Variants in CAMKV observed in about 807,000 individuals in gnomAD.
CAMKV encodes the protein CaM kinase like vesicle associated, also known as caM kinase-like vesicle-associated protein.
A neutral mutation model predicts 50.2 loss-of-function variants in CAMKV; 5 were observed. That is an observed-to-expected ratio of 0.10 (90% CI 0.05 to 0.21). The LOEUF is 0.21. Ranked by LOEUF, CAMKV falls within the 10% of genes least tolerant of loss-of-function variation. CAMKV has a pLI of 1.00. For synonymous variants in CAMKV, 229 were observed against 250.1 expected, an observed-to-expected ratio of 0.92 and a Z score of 0.80; for missense variants, 361 against 650.5, an observed-to-expected ratio of 0.55 and a Z score of 4.84.
rs893200473 is a variant in CAMKV at position 49,869,470 on chromosome 3, T to C, written c.-15+288A>G. On this transcript the variant is annotated intron_variant, in intron 1 of 10. Coordinates refer to ENST00000477224, the MANE Select transcript of CAMKV (RefSeq NM_024046.5). This position sits in a 1 kb window ranked among gnomAD's most constrained non-coding sequence, Gnocchi z 5.2. Reference sequence around the variant, plus strand: ...GGGACGGCTCAGCTCTCGGCCCCTATCCTCACGGGGGACCACGAATCTTCG... The same window carrying C: ...GGGACGGCTCAGCTCTCGGCCCCTACCCTCACGGGGGACCACGAATCTTCG... Among the ~76,000 whole-genome samples, 1 of 152,054 alleles carries C rather than the reference T, an allele frequency of 6.6e-6. No homozygotes were observed. Among genetic ancestry groups the C allele is most frequent in the Non-Finnish European group, 1.5e-5 (1 of 67,978 alleles).
At chr3:49,865,138 G>T (rs1454037994) in intron 1 of CAMKV, among the ~76,000 whole-genome samples, 2 of 152,230 alleles carry the variant, frequency 1.3e-5, no homozygotes, top group African/African-American at 4.8e-5. Context: ...AGAGACAAAG[G>T]AGAGGCTTTG....
intron 1 of CAMKV, among the ~76,000 whole-genome samples, chr3:49,864,694 CT>C (rs1239941661): frequency 6.6e-6 from 1 of 152,208 alleles, no homozygotes; most frequent in African/African-American, 2.4e-5. Flanking sequence ...TGAAATTGCT[CT>C]GCCTCTGCTG....
chr3:49,858,526 G>A lies in CAMKV; in HGVS notation c.*792C>T. On this transcript the variant is annotated 3_prime_UTR_variant, in exon 11 of 11. Transcript: ENST00000477224. ...GGCTGGGACACTGGGTGCTGGGCTT[G>A]TACTCTGCCCTGCCAGGTCTCATTG... 2.5e-6 allele frequency: 1 copy of A among 395,716 alleles called. No individual in the cohort carries two copies. The highest frequency in any genetic ancestry group is 4.4e-6 in the Non-Finnish European group (1 of 224,858). 24.5% of individuals were successfully genotyped at this position (395,716 alleles called of 1,614,324 possible). A position where few individuals can be genotyped will look rare whatever the true frequency, so the allele number is the denominator to read the frequency against.
intron 1 of CAMKV, among the ~76,000 whole-genome samples, chr3:49,865,516 A>T (rs866443661): frequency 5.3e-5 from 8 of 150,328 alleles, no homozygotes; most frequent in South Asian, 4.2e-4. Context: ...TTATAACATT[A>T]AAAAAAATTC....
intron 1 of CAMKV, among the ~76,000 whole-genome samples, chr3:49,867,029 A>G (rs1310060765): frequency 6.6e-6 from 1 of 152,244 alleles, no homozygotes; most frequent in African/African-American, 2.4e-5. Context: ...AACTGTAGGC[A>G]ACACCTCCTA....
rs947599904 is a variant in CAMKV, at chr3:49,859,681, G to A, written c.1143C>T (p.Pro381=). 19 of 1,613,824 alleles carry A rather than the reference G, an allele frequency of 1.2e-5. No homozygotes were observed. The highest frequency in any genetic ancestry group is 8.9e-5 in the East Asian group (4 of 44,878). Residue 381 remains proline, a synonymous_variant, in exon 11 of 11, where the codon CCC becomes CCT. Transcript: ENST00000477224. The surrounding 1 kb of genome is among the most constrained non-coding windows in gnomAD (Gnocchi z 5.5). ...TGGCTGGGGTGGCACTACGGTCTGC[G>A]GGGGCCACATTATCACTCTTTGCAG... ...ARAAKSDNVA[P]ADRSATPATD...
chr3:49,861,870 C>T lies in CAMKV; in HGVS notation c.228-5G>A, dbSNP rs370071635. On this transcript the variant is annotated splice_region_variant and splice_polypyrimidine_tract_variant and intron_variant, in intron 3 of 10. Coordinates refer to ENST00000477224, the MANE Select transcript of CAMKV (RefSeq NM_024046.5). The surrounding 1 kb of genome is among the most constrained non-coding windows in gnomAD (Gnocchi z 7.7). ...AGGATGTTGGGATGCTTCACCCTGG[C>T]GACAGGGAGGGGAGCCAGTAGTTAG... is the stretch of plus-strand genomic sequence containing the variant. 68 of 1,613,524 alleles carry T rather than the reference C, an allele frequency of 4.2e-5. No individual in the cohort carries two copies. The highest frequency in any genetic ancestry group is 5.0e-5 in the Admixed American group (3 of 59,976).
chr3:49,860,192 G>A lies in CAMKV; in HGVS notation c.921C>T (p.Asn307=), dbSNP rs769667700. ...TTACCTTCCACTTGGCCCTGGCAAA[G>A]TTCTTTTCAATCTGGGCACAGACAC... ...KDGVCAQIEK[N]FARAKWKKAV... is the part of the protein sequence containing the mutation. Residue 307 remains asparagine, a synonymous_variant, in exon 10 of 11, where the codon AAC becomes AAT. Coordinates refer to ENST00000477224, the MANE Select transcript of CAMKV (RefSeq NM_024046.5). This position sits in a 1 kb window ranked among gnomAD's most constrained non-coding sequence, Gnocchi z 6.1. The A allele has an allele frequency of 1.9e-5, 30 of 1,613,968 alleles. No homozygotes were observed. The highest frequency in any genetic ancestry group is 2.5e-5 in the Non-Finnish European group (30 of 1,179,986).
At chr3:49,863,340 C>G (rs75374550) in intron 1 of CAMKV, 1 of 152,114 alleles carries the variant, frequency 6.6e-6, no homozygotes, top group Non-Finnish European at 1.5e-5. Context: ...AGACCTATTT[C>G]TTTTCTTTTC....
In CAMKV at chr3:49,862,100, G is replaced by T. The variant is rs200718388; in HGVS notation, c.172C>A (p.Arg58=). 3.9e-4 allele frequency: 636 copies of T among 1,614,120 alleles called. 5 individuals carry two copies. The Admixed American group carries it at 4.3e-3, about 11-fold the overall frequency. Reference sequence around the variant, plus strand: ...GCTTTCCGCACCTTGCGGCCGTCCCGCTTCTGGAACTTCTTGCAGGTGTGC... The same window carrying T: ...GCTTTCCGCACCTTGCGGCCGTCCCTCTTCTGGAACTTCTTGCAGGTGTGC... ...KLHTCKKFQK[R]DGRKVRKAAK... The change falls in exon 3 of 11, where the codon CGG becomes AGG. Residue 58 remains arginine, a synonymous_variant. Transcript: ENST00000477224. This position sits in a 1 kb window ranked among gnomAD's most constrained non-coding sequence, Gnocchi z 5.2.
Position 49,861,907 on chromosome 3 carries a change from C to T in CAMKV, c.228-42G>A, listed in dbSNP as rs1239280340. On this transcript the variant is annotated intron_variant, in intron 3 of 10. Transcript: ENST00000477224. This position sits in a 1 kb window ranked among gnomAD's most constrained non-coding sequence, Gnocchi z 7.7. Reference sequence around the variant, plus strand: ...GAGCCAGTAGTTAGGGCTGGATGAACCCCTGGGAGAGGCTGTGGTCACCAC... The same window carrying T: ...GAGCCAGTAGTTAGGGCTGGATGAATCCCTGGGAGAGGCTGTGGTCACCAC... The T allele has an allele frequency of 6.2e-7, 1 of 1,610,950 alleles. No individual in the cohort carries two copies. The highest frequency in any genetic ancestry group is 1.7e-4 in the Middle Eastern group (1 of 6,052).
At position 49,869,750 on chromosome 3, in the gene CAMKV, C is replaced by G. The variant is rs539070327; in HGVS notation, c.-15+8G>C. 3 of 152,392 alleles carry G rather than the reference C, an allele frequency of 2.0e-5. No individual in the cohort carries two copies. The South Asian group carries it at 6.2e-4, about 32-fold the overall frequency. The allele number at this position is 152,392 out of a possible 1,614,324, so 9.4% of individuals were successfully genotyped here. On this transcript the variant is annotated splice_region_variant and intron_variant, in intron 1 of 10. Transcript: ENST00000477224. The surrounding 1 kb of genome is among the most constrained non-coding windows in gnomAD (Gnocchi z 5.2). ...CGGGAAGCGCCCCCAGCCCGGCCCG[C>G]CCCGCACCTGCAGCGCCGGTTGGTC...
In CAMKV at chr3:49,859,136, TCA is replaced by T; in HGVS notation, c.*180_*181del. On this transcript the variant is annotated 3_prime_UTR_variant, in exon 11 of 11. Transcript: ENST00000477224. The surrounding 1 kb of genome is among the most constrained non-coding windows in gnomAD (Gnocchi z 5.5). ...GCCCTGCCACTGGCCTGCCCACCAC[TCA>T]CACACATACACACAGGAGACGAGAC... The T allele has an allele frequency of 1.9e-6, 1 of 523,006 alleles. No individual in the cohort carries two copies. The highest frequency in any genetic ancestry group is 3.3e-6 in the Non-Finnish European group (1 of 307,178). The allele number at this position is 523,006 out of a possible 1,614,324, so 32.4% of individuals were successfully genotyped here. A position where few individuals can be genotyped will look rare whatever the true frequency, so the allele number is the denominator to read the frequency against.
In CAMKV at chr3:49,861,698, G is replaced by A. The variant is rs1404832647; in HGVS notation, c.302+93C>T. 1.3e-6 allele frequency: 2 copies of A among 1,594,546 alleles called. No homozygotes were observed. Among genetic ancestry groups the A allele is most frequent in the Non-Finnish European group, 1.7e-6 (2 of 1,164,936 alleles). ...AAGGCACAGGGACCTGGGACGCCAA[G>A]GGTCCAGAAAGGGGGTTTCCTTAGC... On this transcript the variant is annotated intron_variant, in intron 4 of 10. Transcript: ENST00000477224. This position sits in a 1 kb window ranked among gnomAD's most constrained non-coding sequence, Gnocchi z 7.7.
Position 49,860,145 on chromosome 3 carries a change from C to A in CAMKV, c.942+26G>T. 6.3e-7 allele frequency: 1 copy of A among 1,598,204 alleles called. No homozygotes were observed. Among genetic ancestry groups the A allele is most frequent in the Non-Finnish European group, 8.6e-7 (1 of 1,165,552 alleles). ...CCAGAAGCAATACTTGGGATAGAGC[C>A]AAGAAGGGAGTTATCCAAGCCTTAC... On this transcript the variant is annotated intron_variant, in intron 10 of 10. Transcript: ENST00000477224. This position sits in a 1 kb window ranked among gnomAD's most constrained non-coding sequence, Gnocchi z 6.1.
chr3:49,864,926 T>C (rs1187952200), intron 1 of CAMKV, among the ~76,000 whole-genome samples: 2 of 152,110 alleles, frequency 1.3e-5, no homozygotes, highest in African/African-American at 4.8e-5. Context: ...TGGCTGCTAC[T>C]TGCTTCCTCC....
Position 49,858,383 on chromosome 3 carries a change from T to C in CAMKV, c.*935A>G, listed in dbSNP as rs2108327104. On this transcript the variant is annotated 3_prime_UTR_variant, in exon 11 of 11. Coordinates refer to ENST00000477224, the MANE Select transcript of CAMKV (RefSeq NM_024046.5). The stretch of plus-strand genomic sequence containing the variant: ...CAAATCAGATTATGAGTTATTGCCA[T>C]GCAGCAAGCCCCCTAGGGTGGAGAG... The C allele has an allele frequency of 2.5e-6, 1 of 398,618 alleles. No homozygotes were observed. Among genetic ancestry groups the C allele is most frequent in the South Asian group, 1.3e-4 (1 of 7,848 alleles). 24.7% of individuals were successfully genotyped at this position (398,618 alleles called of 1,614,324 possible).
In CAMKV at chr3:49,860,082, GT is replaced by G; in HGVS notation, c.942+88del. 1 of 1,250,894 alleles carries G rather than the reference GT, an allele frequency of 8.0e-7. No homozygotes were observed. The highest frequency in any genetic ancestry group is 1.2e-6 in the Non-Finnish European group (1 of 855,164). The allele number at this position is 1,250,894 out of a possible 1,614,324, so 77.5% of individuals were successfully genotyped here. A position where few individuals can be genotyped will look rare whatever the true frequency, so the allele number is the denominator to read the frequency against. On this transcript the variant is annotated intron_variant, in intron 10 of 10. Coordinates refer to ENST00000477224, the MANE Select transcript of CAMKV (RefSeq NM_024046.5). This position sits in a 1 kb window ranked among gnomAD's most constrained non-coding sequence, Gnocchi z 6.1. ...CTGATGGCCTGAGAAAAGCTTGTGTGTGGCTGCAGGGGTGTGATGCAGGCAA... is the reference window on the plus strand; with the variant it reads ...CTGATGGCCTGAGAAAAGCTTGTGTGGGCTGCAGGGGTGTGATGCAGGCAA...
intron 1 of CAMKV, among the ~76,000 whole-genome samples, chr3:49,868,599 C>G (rs570900489): frequency 6.6e-6 from 1 of 152,284 alleles, no homozygotes; most frequent in East Asian, 1.9e-4. Context: ...AGGGTCCACA[C>G]CAAATATTAG....
Sources: allele counts gnomAD v4.1 joint callset (sites outside exome capture counted in the v4.1 genomes callset), GRCh38; gene constraint gnomAD v4.1.1; non-coding constraint Gnocchi (gnomAD v3.1); transcripts MANE v1.5; gene names NCBI Gene and HGNC (gene_info 2026-07-23, HGNC 2026-07-21).